The following ANKRD33B variants were observed in gnomAD, a reference collection of about 807,000 sequenced individuals.
The protein encoded by ANKRD33B is ankyrin repeat domain-containing protein 33B.
A neutral mutation model predicts 21.5 loss-of-function variants in ANKRD33B; 6 were observed. The ratio of observed to expected loss-of-function variants is 0.28; its 90% CI spans 0.15 to 0.55. The LOEUF (loss-of-function observed/expected upper bound fraction) is 0.55. Among genes scored for constraint, ANKRD33B ranks in the 20% least tolerant of loss-of-function variants. The probability of loss-of-function intolerance (pLI) is 0.94; values close to 1 mark genes in which losing one functional copy is unlikely to be tolerated. For synonymous variants in ANKRD33B, 347 were observed against 342.4 expected, an observed-to-expected ratio of 1.01 and a Z score of -0.15; for missense variants, 698 against 747.2, an observed-to-expected ratio of 0.93 and a Z score of 0.77.
chr5:10,569,440 A>G (rs901462237), intron 1 of ANKRD33B, among the ~76,000 whole-genome samples: 2 of 151,998 alleles, frequency 1.3e-5, no homozygotes, highest in Non-Finnish European at 2.9e-5. Context: ...CTAAAAAAAT[A>G]CCAAAATTAG....
At chr5:10,564,903 C>T in intron 1 of ANKRD33B, 70 bp downstream of exon 1, 1 of 1,436,432 alleles carries the variant, frequency 7.0e-7, no homozygotes, top group South Asian at 1.4e-5. Flanking sequence ...ACCACATCCC[C>T]GCGCCTCCCA....
chr5:10,578,172 A>C (rs1242004721), intron 1 of ANKRD33B, among the ~76,000 whole-genome samples: 1 of 152,216 alleles, frequency 6.6e-6, no homozygotes, highest in Non-Finnish European at 1.5e-5. Flanking sequence ...AGCTCATTCT[A>C]GTTTGCCTGG....
chr5:10,654,697 C>T lies in ANKRD33B; in HGVS notation c.*4584C>T, dbSNP rs910635914. ...GTATCAACAACAATGAAATGCACCT[C>T]CGTGTGCATGGAGGCGGCTGATGAG... On this transcript the variant is annotated 3_prime_UTR_variant, in exon 4 of 4. Transcript: ENST00000296657. 1 of 152,382 alleles carries T rather than the reference C, an allele frequency of 6.6e-6. No homozygotes were observed. The highest frequency in any genetic ancestry group is 1.5e-5 in the Non-Finnish European group (1 of 68,050). 9.4% of individuals were successfully genotyped at this position (152,382 alleles called of 1,614,324 possible).
At chr5:10,633,324 C>T (rs1736777400) in intron 2 of ANKRD33B, among the ~76,000 whole-genome samples, 1 of 152,196 alleles carries the variant, frequency 6.6e-6, no homozygotes, top group Non-Finnish European at 1.5e-5. Context: ...ACGGTGTGAT[C>T]TCTTGGCCAC....
intron 1 of ANKRD33B, among the ~76,000 whole-genome samples, chr5:10,615,907 G>A (rs1431386537): frequency 6.6e-6 from 1 of 152,190 alleles, no homozygotes; most frequent in Admixed American, 6.5e-5. Flanking sequence ...GGTGGTGGCA[G>A]CGAACTCTTA....
chr5:10,623,251 A>G (rs979464143), intron 2 of ANKRD33B, among the ~76,000 whole-genome samples: 29 of 152,050 alleles, frequency 1.9e-4, no homozygotes, highest in African/African-American at 5.8e-4. Context: ...CTGCCCTTCT[A>G]TCTGTGGGGC....
intron 1 of ANKRD33B, among the ~76,000 whole-genome samples, chr5:10,609,721 C>T (rs114182979): frequency 0.024 from 3,675 of 152,118 alleles, 72 homozygotes; most frequent in Middle Eastern, 0.037. Context: ...CCAGACTGGC[C>T]GACGTGGTGA....
intron 2 of ANKRD33B, among the ~76,000 whole-genome samples, chr5:10,624,186 G>A (rs1271611068): frequency 3.5e-5 from 5 of 143,716 alleles, no homozygotes; most frequent in African/African-American, 1.1e-4. Flanking sequence ...CTGGGGTGCA[G>A]TGGCACAATC....
At chr5:10,570,403 C>T (rs1266120257) in intron 1 of ANKRD33B, among the ~76,000 whole-genome samples, 1 of 152,134 alleles carries the variant, frequency 6.6e-6, no homozygotes, top group Non-Finnish European at 1.5e-5. Context: ...ATCGCTGCTC[C>T]ATTTGGTCTC....
intron 1 of ANKRD33B, among the ~76,000 whole-genome samples, chr5:10,614,886 C>CAA (rs745733861): frequency 7.2e-6 from 1 of 139,474 alleles, no homozygotes; most frequent in Non-Finnish European, 1.6e-5. Flanking sequence ...AACTCCATCT[C>CAA]AAAAAACAAA....
At chr5:10,578,305 G>A (rs1218543814) in intron 1 of ANKRD33B, among the ~76,000 whole-genome samples, 1 of 152,198 alleles carries the variant, frequency 6.6e-6, no homozygotes, top group Admixed American at 6.5e-5. Flanking sequence ...GGTTGAGGCT[G>A]CACACAGAGT....
At chr5:10,592,016 T>A (rs910801694) in intron 1 of ANKRD33B, among the ~76,000 whole-genome samples, 16 of 152,290 alleles carry the variant, frequency 1.1e-4, no homozygotes, top group African/African-American at 3.9e-4. Flanking sequence ...TATGTATGTA[T>A]GTATATATAT....
intron 3 of ANKRD33B, among the ~76,000 whole-genome samples, chr5:10,641,310 C>G (rs1737055107): frequency 6.7e-6 from 1 of 148,550 alleles, no homozygotes; most frequent in Admixed American, 6.8e-5. Flanking sequence ...CTCACTGCAA[C>G]CTCCACCTCC....
At chr5:10,648,873 G>C (rs914148758) in intron 3 of ANKRD33B, among the ~76,000 whole-genome samples, 1 of 152,242 alleles carries the variant, frequency 6.6e-6, no homozygotes, top group African/African-American at 2.4e-5. Context: ...GCTCACGCCC[G>C]TAATCCCAGC....
Position 10,571,268 on chromosome 5 carries a change from C to G in ANKRD33B, c.366+6435C>G, listed in dbSNP as rs1668170945. On this transcript the variant is annotated intron_variant, in intron 1 of 3. Transcript: ENST00000296657. ...CCAGGCTGGAGTGCAGTGGTGCGATCTCGGCCCACTGCAACCTCCACCTCC... is the reference window on the plus strand; with the variant it reads ...CCAGGCTGGAGTGCAGTGGTGCGATGTCGGCCCACTGCAACCTCCACCTCC... Among the ~76,000 whole-genome samples the G allele has an allele frequency of 2.0e-5, 3 of 152,278 alleles. No individual in the cohort carries two copies. The South Asian group carries it at 6.2e-4, about 32-fold the overall frequency.
chr5:10,591,209 T>TTTTTTTTTTC (rs1735680864), intron 1 of ANKRD33B, among the ~76,000 whole-genome samples: 1 of 148,208 alleles, frequency 6.7e-6, no homozygotes, highest in African/African-American at 2.5e-5. Flanking sequence ...TTTTTTTTTT[T>TTTTTTTTTTC]TGAGATGGAG....
intron 1 of ANKRD33B, among the ~76,000 whole-genome samples, chr5:10,607,521 G>T (rs1283927930): frequency 6.6e-6 from 1 of 152,204 alleles, no homozygotes; most frequent in African/African-American, 2.4e-5. Context: ...TTTACCAAGA[G>T]GCAGGAAGAA....
chr5:10,567,612 T>C (rs529014623), intron 1 of ANKRD33B, among the ~76,000 whole-genome samples: 9 of 152,238 alleles, frequency 5.9e-5, no homozygotes, highest in Non-Finnish European at 1.0e-4. Flanking sequence ...TGTCTCCTCT[T>C]GTCCAAGCCT....
At chr5:10,603,255 A>G (rs992055194) in intron 1 of ANKRD33B, among the ~76,000 whole-genome samples, 3 of 151,798 alleles carry the variant, frequency 2.0e-5, no homozygotes, top group Admixed American at 2.0e-4. Flanking sequence ...GAATTTTTTC[A>G]TCCTTAAAAA....
Sources: gnomAD v4.1 joint callset for allele counts (sites outside exome capture counted in the v4.1 genomes callset) on GRCh38, gnomAD v4.1.1 for gene constraint, MANE v1.5 for transcripts, NCBI Gene and HGNC (gene_info 2026-07-23, HGNC 2026-07-21) for gene names.